The following ARHGAP35 variants were observed in gnomAD, a reference collection of about 807,000 sequenced individuals.
The protein encoded by ARHGAP35 is Rho GTPase activating protein 35, also known as rho GTPase-activating protein 35.
In ARHGAP35, 15 loss-of-function variants were observed where a neutral mutation model predicts 111.1. The ratio of observed to expected loss-of-function variants is 0.13; its 90% CI spans 0.09 to 0.21. The LOEUF (loss-of-function observed/expected upper bound fraction) is 0.21, where lower values mean the gene tolerates loss of function less well. ARHGAP35 is among the 10% of genes least tolerant of loss of function. The pLI, the probability that ARHGAP35 is intolerant of heterozygous loss-of-function variation, is 1.00. For synonymous variants in ARHGAP35, 643 were observed against 710.3 expected, an observed-to-expected ratio of 0.91 and a Z score of 1.51; for missense variants, 1,262 against 1,873.0, an observed-to-expected ratio of 0.67 and a Z score of 6.02.
chr19:46,920,534 G>C lies in ARHGAP35; in HGVS notation c.1859G>C (p.Cys620Ser), dbSNP rs1404920431. 6.2e-7 allele frequency: 1 copy of C among 1,613,860 alleles called. No homozygotes were observed. The highest frequency in any genetic ancestry group is 1.3e-5 in the African/African-American group (1 of 74,926). Residue 620 changes from cysteine (C) to serine (S), a missense_variant, in exon 2 of 7, where the codon TGT (cysteine) becomes TCT (serine). Around this residue, in one of 8 missense-constraint regions of ARHGAP35, gnomAD observed 37 missense variants for 83.9 expected, o/e 0.44. Coordinates refer to ENST00000672722, the MANE Select transcript of ARHGAP35 (RefSeq NM_004491.5). The surrounding 1 kb of genome is among the most constrained non-coding windows in gnomAD (Gnocchi z 7.0). ...TTGGCCAATGAGATTCGAGCTCTTT[G>C]TACAAATGATGACAAGTATGTGATA... ...RELANEIRAL[C>S]TNDDKYVIDG...
chr19:46,963,367 C>G (rs944345422), intron 3 of ARHGAP35, among the ~76,000 whole-genome samples: 2 of 152,228 alleles, frequency 1.3e-5, no homozygotes, highest in Admixed American at 6.5e-5. Context: ...AAAGTGGGCA[C>G]TCTCTCAGCA....
intron 2 of ARHGAP35, 112 bp from the exon 3 acceptor site, chr19:46,937,152 T>C: frequency 4.6e-6 from 6 of 1,313,866 alleles, no homozygotes; most frequent in Non-Finnish European, 6.3e-6. Flanking sequence ...TTCTTGACAT[T>C]CTTTCTAGCA....
At chr19:46,997,111 C>T (rs1211044418) in intron 5 of ARHGAP35, among the ~76,000 whole-genome samples, 1 of 152,142 alleles carries the variant, frequency 6.6e-6, no homozygotes, top group Non-Finnish European at 1.5e-5. Flanking sequence ...GAGCTGAGAT[C>T]ACGCCACTGC....
At chr19:46,896,882 G>A (rs1050862236) in intron 1 of ARHGAP35, among the ~76,000 whole-genome samples, 1 of 151,972 alleles carries the variant, frequency 6.6e-6, no homozygotes, top group African/African-American at 2.4e-5. Context: ...TATCTACTGG[G>A]CATGTTGTCT....
intron 3 of ARHGAP35, among the ~76,000 whole-genome samples, chr19:46,979,149 G>T (rs149606229): frequency 6.6e-6 from 1 of 151,872 alleles, no homozygotes; most frequent in Non-Finnish European, 1.5e-5. Context: ...TTGTGCTCGC[G>T]GTCTGTTTCT....
chr19:46,889,978 CTA>C (rs1162401198), intron 1 of ARHGAP35, among the ~76,000 whole-genome samples: 1 of 152,094 alleles, frequency 6.6e-6, no homozygotes, highest in African/African-American at 2.4e-5. Flanking sequence ...TCAGGGGTGT[CTA>C]TGATGCTTTC....
chr19:46,894,238 C>G (rs17367673), intron 1 of ARHGAP35, among the ~76,000 whole-genome samples: 1 of 152,006 alleles, frequency 6.6e-6, no homozygotes, highest in Non-Finnish European at 1.5e-5. Flanking sequence ...TTCTTTAGAT[C>G]TGGTGAACTT....
At position 46,999,316 on chromosome 19, in the gene ARHGAP35, G is replaced by C. The variant is rs757589554; in HGVS notation, c.4049G>C (p.Arg1350Pro). 1.3e-6 allele frequency: 2 copies of C among 1,587,044 alleles called. No homozygotes were observed. The highest frequency in any genetic ancestry group is 2.7e-5 in the African/African-American group (2 of 74,360). ...DLVEAHKINDREQKLHALKEV... is the reference protein window; with the variant it reads ...DLVEAHKINDPEQKLHALKEV... ...TCTCTCTCCTCAGAAATCAACGACCGGGAGCAGAAGTTGCATGCCCTTAAG... is the reference window on the plus strand; with the variant it reads ...TCTCTCTCCTCAGAAATCAACGACCCGGAGCAGAAGTTGCATGCCCTTAAG... The change falls in exon 6 of 7, where the codon CGG becomes CCG. Residue 1350 changes from arginine (R) to proline (P), a missense_variant. Transcript: ENST00000672722. The surrounding 1 kb of genome is among the most constrained non-coding windows in gnomAD (Gnocchi z 5.4).
At position 46,919,445 on chromosome 19, in the gene ARHGAP35, T is replaced by C. The variant is rs759600849; in HGVS notation, c.770T>C (p.Ile257Thr). Residue 257 changes from isoleucine to threonine, a missense_variant, in exon 2 of 7, where the codon ATT becomes ACT. Physicochemically the swap from Ile to Thr is moderately conservative, Grantham distance 89. Transcript: ENST00000672722. The surrounding 1 kb of genome is among the most constrained non-coding windows in gnomAD (Gnocchi z 6.2). ...AAAAGTCGGGGAAAGACAAAAATCATTCCTTATTTTGAAGCTCTCAAGCAG... is the reference window on the plus strand; with the variant it reads ...AAAAGTCGGGGAAAGACAAAAATCACTCCTTATTTTGAAGCTCTCAAGCAG... ...IDKSRGKTKI[I>T]PYFEALKQQS... 1 of 1,613,920 alleles carries C rather than the reference T, an allele frequency of 6.2e-7. No homozygotes were observed. Among genetic ancestry groups the C allele is most frequent in the South Asian group, 1.1e-5 (1 of 91,070 alleles).
Position 46,921,737 on chromosome 19 carries a change from G to A in ARHGAP35, c.3062G>A (p.Gly1021Glu). The A allele has an allele frequency of 6.2e-7, 1 of 1,613,940 alleles. No homozygotes were observed. The stretch of plus-strand genomic sequence containing the variant: ...TCTATGGAACTGGAGGGAAATGATG[G>A]GCTGTCTTTCATTATGAGCAATTTT... ...KLSMELEGND[G>E]LSFIMSNFES... The change falls in exon 2 of 7, where the codon GGG becomes GAG. Residue 1021 changes from glycine to glutamate, a missense_variant. Physicochemically the swap from Gly to Glu is moderately conservative, Grantham distance 98 (BLOSUM62 -2). Around this residue, in one of 8 missense-constraint regions of ARHGAP35, gnomAD observed 579 missense variants for 716.9 expected, o/e 0.81. Transcript: ENST00000672722. The surrounding 1 kb of genome is among the most constrained non-coding windows in gnomAD (Gnocchi z 4.3).
At chr19:46,928,756 AC>A (rs1191095323) in intron 2 of ARHGAP35, among the ~76,000 whole-genome samples, 1 of 151,856 alleles carries the variant, frequency 6.6e-6, no homozygotes, top group Non-Finnish European at 1.5e-5. Flanking sequence ...ACATGGCGAA[AC>A]CCCGTCTCTA....
intron 2 of ARHGAP35, among the ~76,000 whole-genome samples, chr19:46,932,703 C>T (rs1478609632): frequency 6.6e-6 from 1 of 152,146 alleles, no homozygotes; most frequent in African/African-American, 2.4e-5. Context: ...AGAGAGCCTT[C>T]AGTTATCTCA....
chr19:46,933,137 CTTTTTTTTTTT>C (rs1174653724), intron 2 of ARHGAP35, among the ~76,000 whole-genome samples: 4 of 99,544 alleles, frequency 4.0e-5, no homozygotes, highest in African/African-American at 1.2e-4. Flanking sequence ...AGTGTGCCTT[CTTTTTTTTTTT>C]TTTTTTTTTT....
intron 1 of ARHGAP35, among the ~76,000 whole-genome samples, chr19:46,865,529 A>G (rs535184456): frequency 4.6e-5 from 7 of 152,328 alleles, no homozygotes; most frequent in East Asian, 3.9e-4. Flanking sequence ...GGGCAGATCC[A>G]TGGACCTGAT....
chr19:46,963,000 T>G (rs940463749), intron 3 of ARHGAP35, among the ~76,000 whole-genome samples: 8 of 152,192 alleles, frequency 5.3e-5, no homozygotes, highest in African/African-American at 1.9e-4. Context: ...GCTAGCCTAT[T>G]TCAGAAAATT....
At chr19:46,975,858 G>T (rs559611799) in intron 3 of ARHGAP35, among the ~76,000 whole-genome samples, 1 of 152,204 alleles carries the variant, frequency 6.6e-6, no homozygotes, top group African/African-American at 2.4e-5. Context: ...TTGGCGGGAC[G>T]AGAGCTGTTA....
At chr19:46,983,805 C>T (rs1246999814) in intron 3 of ARHGAP35, among the ~76,000 whole-genome samples, 4 of 151,690 alleles carry the variant, frequency 2.6e-5, no homozygotes, top group Admixed American at 1.3e-4. Flanking sequence ...TTAGTAGAGA[C>T]GGGGTTTCAC....
chr19:46,961,264 T>C (rs2056480916), intron 3 of ARHGAP35, among the ~76,000 whole-genome samples: 1 of 152,184 alleles, frequency 6.6e-6, no homozygotes, highest in Non-Finnish European at 1.5e-5. Context: ...TTAATATAGA[T>C]AATACTGCAT....
At chr19:46,899,239 G>A (rs1012589389) in intron 1 of ARHGAP35, among the ~76,000 whole-genome samples, 1 of 152,168 alleles carries the variant, frequency 6.6e-6, no homozygotes, top group Admixed American at 6.6e-5. Context: ...TCCAGATAAG[G>A]GGATAGCCAG....
Sources: allele counts gnomAD v4.1 joint callset (sites outside exome capture counted in the v4.1 genomes callset), GRCh38; gene constraint gnomAD v4.1.1; regional missense constraint gnomAD v4.1.1; non-coding constraint Gnocchi (gnomAD v3.1); transcripts MANE v1.5; gene names NCBI Gene and HGNC (gene_info 2026-07-23, HGNC 2026-07-21).